Variants in SYT2 observed in about 807,000 individuals in gnomAD.
The protein encoded by SYT2 is synaptotagmin-2.
In SYT2, 15 loss-of-function variants were observed where a neutral mutation model predicts 39.9. The ratio of observed to expected loss-of-function variants is 0.38; its 90% CI spans 0.25 to 0.58. The LOEUF is 0.58. Among genes scored for constraint, SYT2 ranks in the 20% least tolerant of loss-of-function variants. The pLI, the probability that SYT2 is intolerant of heterozygous loss-of-function variation, is 0.70. For synonymous variants in SYT2, 181 were observed against 204.5 expected, an observed-to-expected ratio of 0.89 and a Z score of 0.98; for missense variants, 389 against 530.3, an observed-to-expected ratio of 0.73 and a Z score of 2.62.
At chr1:202,689,023 G>T (rs1653749809) in intron 1 of SYT2, among the ~76,000 whole-genome samples, 1 of 152,178 alleles carries the variant, frequency 6.6e-6, no homozygotes, top group East Asian at 1.9e-4. Context: ...CTCAGCAAGG[G>T]AGGGAACTTT....
At chr1:202,688,676 GAC>G (rs1442469063) in intron 1 of SYT2, among the ~76,000 whole-genome samples, 1 of 152,206 alleles carries the variant, frequency 6.6e-6, no homozygotes, top group Non-Finnish European at 1.5e-5. Flanking sequence ...GGAACAAGAG[GAC>G]ACATTCGTTT....
At chr1:202,612,051 A>G (rs1001984651) in intron 1 of SYT2, among the ~76,000 whole-genome samples, 1 of 152,078 alleles carries the variant, frequency 6.6e-6, no homozygotes, top group African/African-American at 2.4e-5. Context: ...AGGTTCCACT[A>G]TGTTTCTACA....
intron 1 of SYT2, among the ~76,000 whole-genome samples, chr1:202,634,731 A>G (rs1691696159): frequency 6.6e-6 from 1 of 152,236 alleles, no homozygotes; most frequent in Non-Finnish European, 1.5e-5. Flanking sequence ...ACATGCTTCA[A>G]TGTGGCTAAA....
At position 202,627,602 on chromosome 1, in the gene SYT2, G is replaced by A. The variant is rs932982539; in HGVS notation, c.-17-21813C>T. 5 of 985,348 alleles carry A rather than the reference G, an allele frequency of 5.1e-6. No homozygotes were observed. In the Admixed American group the frequency reaches 3.1e-4, roughly 61 times the overall value. The allele number at this position is 985,348 out of a possible 1,614,324, so 61.0% of individuals were successfully genotyped here. ...GGGAAAGGAGATCCAGTGCAGCTCA[G>A]GTTCTCTGGAGAGTAATGCGCAAAG... is the stretch of plus-strand genomic sequence containing the variant. On this transcript the variant is annotated intron_variant, in intron 1 of 8. Transcript: ENST00000367268.
At chr1:202,639,447 A>G in intron 1 of SYT2, 1 of 965,188 alleles carries the variant, frequency 1.0e-6, no homozygotes, top group Non-Finnish European at 1.2e-6. Context: ...CCTAAGCCTC[A>G]GTTTCCCCAT....
intron 1 of SYT2, among the ~76,000 whole-genome samples, chr1:202,643,041 G>C (rs907477329): frequency 6.6e-6 from 1 of 152,242 alleles, no homozygotes; most frequent in African/African-American, 2.4e-5. Context: ...GTCTAGCCAG[G>C]TAATTCCGAC....
chr1:202,613,067 C>CTTTTTTTTT (rs1690930669), intron 1 of SYT2, among the ~76,000 whole-genome samples: 1 of 121,602 alleles, frequency 8.2e-6, no homozygotes. Context: ...ATTGGTTCTT[C>CTTTTTTTTT]CTTTTTTTTT....
rs149237988 is a variant in SYT2, at chr1:202,674,091, G to A, written c.-18+36167C>T. On this transcript the variant is annotated intron_variant, in intron 1 of 8. Coordinates refer to ENST00000367268, the MANE Select transcript of SYT2 (RefSeq NM_177402.5). ...ATTTCTGAACAATGGGAGAGCACAG[G>A]TATATTTATTTGTTTTATTTTATTT... is the stretch of plus-strand genomic sequence containing the variant. Among the ~76,000 whole-genome samples the A allele has an allele frequency of 3.0e-3, 455 of 152,132 alleles. 7 individuals carry two copies. The highest frequency in any genetic ancestry group is 9.6e-4 in the Non-Finnish European group (65 of 67,982).
chr1:202,635,171 G>A (rs115572173), intron 1 of SYT2, among the ~76,000 whole-genome samples: 165 of 152,276 alleles, frequency 1.1e-3, no homozygotes, highest in African/African-American at 3.9e-3. Flanking sequence ...AAAGTCCCAT[G>A]GCTAGGAGGC....
chr1:202,652,734 C>T (rs1692215291), intron 1 of SYT2, among the ~76,000 whole-genome samples: 1 of 152,176 alleles, frequency 6.6e-6, no homozygotes, highest in African/African-American at 2.4e-5. Context: ...AGGACTGCTT[C>T]GGTGGAAAGA....
At chr1:202,657,732 G>A (rs1334301698) in intron 1 of SYT2, among the ~76,000 whole-genome samples, 1 of 151,994 alleles carries the variant, frequency 6.6e-6, no homozygotes, top group African/African-American at 2.4e-5. Context: ...AACAGCCCTG[G>A]GATCCCCTCA....
rs939381640 is a variant in SYT2 at position 202,592,540 on chromosome 1, A to C, written c.*4217T>G. On this transcript the variant is annotated 3_prime_UTR_variant, in exon 9 of 9. Transcript: ENST00000367268. ...CGGCTATTTACAGAAAGTTATAGACATGCATCTTGATTAAACAAGATTCTG... is the reference window on the plus strand; with the variant it reads ...CGGCTATTTACAGAAAGTTATAGACCTGCATCTTGATTAAACAAGATTCTG... The C allele has an allele frequency of 6.6e-6, 1 of 152,260 alleles. No homozygotes were observed. 9.4% of individuals were successfully genotyped at this position (152,260 alleles called of 1,614,324 possible).
intron 1 of SYT2, among the ~76,000 whole-genome samples, chr1:202,657,133 AGAGCCAACT>A (rs763730851): frequency 6.6e-6 from 1 of 152,224 alleles, no homozygotes; most frequent in Admixed American, 6.5e-5. Flanking sequence ...ACCCTACATA[AGAGCCAACT>A]GTCCAAATTC....
At chr1:202,620,492 G>A (rs1267307835) in intron 1 of SYT2, among the ~76,000 whole-genome samples, 3 of 151,738 alleles carry the variant, frequency 2.0e-5, no homozygotes, top group Non-Finnish European at 4.4e-5. Flanking sequence ...CATGTAGAGA[G>A]CTGTCAGGGC....
At position 202,616,717 on chromosome 1, in the gene SYT2, C is replaced by T. The variant is rs530207682; in HGVS notation, c.-17-10928G>A. 2.0e-5 allele frequency among the ~76,000 whole-genome samples: 3 copies of T among 152,340 alleles called. No homozygotes were observed. In the South Asian group the frequency reaches 6.2e-4, roughly 32 times the overall value. On this transcript the variant is annotated intron_variant, in intron 1 of 8. Coordinates refer to ENST00000367268, the MANE Select transcript of SYT2 (RefSeq NM_177402.5). ...CTGAGCTGTGGTCAGCTGGCCGCTGCCTGCTTTTGTCATAACTGTGACTAC... is the reference window on the plus strand; with the variant it reads ...CTGAGCTGTGGTCAGCTGGCCGCTGTCTGCTTTTGTCATAACTGTGACTAC...
At chr1:202,597,386 G>C (rs1690336258) in intron 8 of SYT2, among the ~76,000 whole-genome samples, 2 of 152,142 alleles carry the variant, frequency 1.3e-5, no homozygotes, top group Non-Finnish European at 2.9e-5. Flanking sequence ...ATCAGAAAAG[G>C]CTTCACAGAA....
At chr1:202,661,566 G>C (rs565678326) in intron 1 of SYT2, among the ~76,000 whole-genome samples, 14 of 152,250 alleles carry the variant, frequency 9.2e-5, no homozygotes, top group African/African-American at 3.4e-4. Flanking sequence ...TATGCCACTC[G>C]GCAGCCTTCA....
At chr1:202,679,318 C>G (rs377379570) in intron 1 of SYT2, among the ~76,000 whole-genome samples, 2 of 152,182 alleles carry the variant, frequency 1.3e-5, no homozygotes, top group African/African-American at 4.8e-5. Flanking sequence ...GCCCTCCCCC[C>G]ACCAATTGCA....
intron 1 of SYT2, among the ~76,000 whole-genome samples, chr1:202,619,111 T>C (rs1691132877): frequency 6.6e-6 from 1 of 152,158 alleles, no homozygotes; most frequent in South Asian, 2.1e-4. Context: ...AGGGCTCCTA[T>C]GGCTGGGGAG....
Sources: allele counts gnomAD v4.1 joint callset (sites outside exome capture counted in the v4.1 genomes callset), GRCh38; gene constraint gnomAD v4.1.1; transcripts MANE v1.5; gene names NCBI Gene and HGNC (gene_info 2026-07-23, HGNC 2026-07-21).